SGPP2: variants seen among roughly 807,000 people sequenced by gnomAD.
The protein encoded by SGPP2 is sphingosine-1-phosphate phosphatase 2.
In SGPP2, 30 loss-of-function variants were observed where a neutral mutation model predicts 33.9. The ratio of observed to expected loss-of-function variants is 0.89; its 90% confidence interval spans 0.66 to 1.20. SGPP2 has a LOEUF of 1.20. Among genes scored for constraint, SGPP2 ranks in the 50% most tolerant of loss-of-function variants. SGPP2 has a pLI of 0.00. For synonymous variants in SGPP2, 233 were observed against 225.0 expected, an observed-to-expected ratio of 1.04 and a Z score of -0.32; for missense variants, 458 against 532.1, an observed-to-expected ratio of 0.86 and a Z score of 1.37.
At chr2:222,543,645 A>G (rs891377004) in intron 4 of SGPP2, among the ~76,000 whole-genome samples, 2 of 152,216 alleles carry the variant, frequency 1.3e-5, no homozygotes, top group Non-Finnish European at 2.9e-5. Context: ...ACAGTTGATC[A>G]TGGGTAACTG....
intron 3 of SGPP2, among the ~76,000 whole-genome samples, chr2:222,524,313 AT>A (rs1698726213): frequency 6.6e-6 from 1 of 152,194 alleles, no homozygotes; most frequent in Non-Finnish European, 1.5e-5. Flanking sequence ...AAGCAGGTGG[AT>A]TTATGCCTAT....
chr2:222,449,470 ATT>A (rs11390234), intron 1 of SGPP2, among the ~76,000 whole-genome samples: 3 of 141,172 alleles, frequency 2.1e-5, no homozygotes, highest in African/African-American at 2.6e-5. Context: ...AGGTCAGCCA[ATT>A]TTTTTTTTTT....
chr2:222,439,461 G>A (rs1371648927), intron 1 of SGPP2, among the ~76,000 whole-genome samples: 2 of 152,164 alleles, frequency 1.3e-5, no homozygotes, highest in Non-Finnish European at 2.9e-5. Context: ...GAACCTGGGA[G>A]GCAGAGGTTG....
rs1353589923 is a variant in SGPP2 at position 222,550,791 on chromosome 2, T to C, written c.649-7556T>C. ...CATTTTTGCTTGTTTCTGATGTTTCTGTAATGGAGCATGTGTTACTTTTTG... is the reference window on the plus strand; with the variant it reads ...CATTTTTGCTTGTTTCTGATGTTTCCGTAATGGAGCATGTGTTACTTTTTG... On this transcript the variant is annotated intron_variant, in intron 4 of 4. Transcript: ENST00000321276. This position sits in a 1 kb window ranked among gnomAD's most constrained non-coding sequence, Gnocchi z 4.5. Among the ~76,000 whole-genome samples, 1 of 152,050 alleles carries C rather than the reference T, an allele frequency of 6.6e-6. No individual in the cohort carries two copies. Among genetic ancestry groups the C allele is most frequent in the Non-Finnish European group, 1.5e-5 (1 of 68,038 alleles).
chr2:222,478,048 G>A (rs1697974721), intron 2 of SGPP2, among the ~76,000 whole-genome samples: 1 of 152,080 alleles, frequency 6.6e-6, no homozygotes, highest in Non-Finnish European at 1.5e-5. Flanking sequence ...TAGTTATTCT[G>A]TGTGGTCATT....
chr2:222,467,235 C>T (rs958476165), intron 1 of SGPP2, among the ~76,000 whole-genome samples: 3 of 152,152 alleles, frequency 2.0e-5, no homozygotes, highest in African/African-American at 7.2e-5. Flanking sequence ...AAAATCTGCT[C>T]ATTAACAAGA....
At chr2:222,507,492 A>G (rs1698462482) in intron 2 of SGPP2, among the ~76,000 whole-genome samples, 1 of 152,184 alleles carries the variant, frequency 6.6e-6, no homozygotes, top group Non-Finnish European at 1.5e-5. Flanking sequence ...AAAGGTTTTG[A>G]TCTTTTAATA....
chr2:222,521,939 G>C lies in SGPP2; in HGVS notation c.551G>C (p.Arg184Thr), dbSNP rs1192904798. Residue 184 changes from arginine to threonine, a missense_variant, in exon 3 of 5, where the codon AGA (arginine) becomes ACA (threonine). Physicochemically the swap from Arg to Thr is moderately conservative, Grantham distance 71. Transcript: ENST00000321276. Reference sequence around the variant, plus strand: ...ACCCTCCTTATCTCTACTATGGACAGATACCAGGTAAGGTGGCCTGGTTCT... The same window carrying C: ...ACCCTCCTTATCTCTACTATGGACACATACCAGGTAAGGTGGCCTGGTTCT... ...AFTLLISTMD[R>T]YQYPFVLGLV... The C allele has an allele frequency of 5.2e-6, 8 of 1,531,568 alleles. No individual in the cohort carries two copies. The highest frequency in any genetic ancestry group is 1.4e-5 in the African/African-American group (1 of 70,850). 94.9% of individuals were successfully genotyped at this position (1,531,568 alleles called of 1,614,324 possible).
intron 1 of SGPP2, 89 bp from the exon 2 acceptor site, chr2:222,474,479 G>A: frequency 8.4e-7 from 1 of 1,187,158 alleles, no homozygotes; most frequent in Non-Finnish European, 1.2e-6. Context: ...CAGCGTCTTG[G>A]CAATTGAGAC....
At chr2:222,436,469 A>G (rs769830029) in intron 1 of SGPP2, among the ~76,000 whole-genome samples, 2 of 152,112 alleles carry the variant, frequency 1.3e-5, no homozygotes, top group African/African-American at 4.8e-5. Context: ...CCTGTAAACT[A>G]TTGTCACCTA....
intron 2 of SGPP2, among the ~76,000 whole-genome samples, chr2:222,515,480 C>G (rs1248735359): frequency 2.0e-5 from 3 of 151,940 alleles, no homozygotes; most frequent in Non-Finnish European, 4.4e-5. Context: ...AGGCACCCAC[C>G]ACCACACCCA....
At chr2:222,438,166 G>A (rs1330610740) in intron 1 of SGPP2, among the ~76,000 whole-genome samples, 1 of 152,126 alleles carries the variant, frequency 6.6e-6, no homozygotes, top group Non-Finnish European at 1.5e-5. Context: ...GTTGTAGAAG[G>A]GGCCAAATGC....
intron 2 of SGPP2, among the ~76,000 whole-genome samples, chr2:222,510,354 G>A (rs1377679284): frequency 1.3e-5 from 2 of 152,206 alleles, no homozygotes; most frequent in East Asian, 1.9e-4. Context: ...GGATAGGTAC[G>A]TACTGGTAGA....
At chr2:222,512,443 G>A (rs1254121669) in intron 2 of SGPP2, among the ~76,000 whole-genome samples, 1 of 152,054 alleles carries the variant, frequency 6.6e-6, no homozygotes, top group East Asian at 1.9e-4. Flanking sequence ...CCGCCACAGT[G>A]ATACATTTGG....
intron 4 of SGPP2, among the ~76,000 whole-genome samples, chr2:222,527,791 G>A (rs1698780441): frequency 6.6e-6 from 1 of 152,192 alleles, no homozygotes; most frequent in Admixed American, 6.5e-5. Flanking sequence ...AGGGTGCAAT[G>A]ATGAGTAATT....
chr2:222,466,972 T>C (rs957772303), intron 1 of SGPP2, among the ~76,000 whole-genome samples: 1 of 152,194 alleles, frequency 6.6e-6, no homozygotes, highest in Non-Finnish European at 1.5e-5. Flanking sequence ...TGTTCACTGT[T>C]CCCCTCTGGT....
chr2:222,475,066 G>A (rs1210122631), intron 2 of SGPP2, among the ~76,000 whole-genome samples: 4 of 152,088 alleles, frequency 2.6e-5, no homozygotes, highest in East Asian at 1.9e-4. Flanking sequence ...AACAGGGAGA[G>A]GACCAGTTTT....
At chr2:222,507,838 A>G (rs1049256761) in intron 2 of SGPP2, among the ~76,000 whole-genome samples, 3 of 152,186 alleles carry the variant, frequency 2.0e-5, no homozygotes, top group African/African-American at 7.2e-5. Flanking sequence ...ATTTAACAGT[A>G]TATCTCATAA....
At chr2:222,499,652 G>A (rs1315180965) in intron 2 of SGPP2, among the ~76,000 whole-genome samples, 1 of 152,100 alleles carries the variant, frequency 6.6e-6, no homozygotes, top group Non-Finnish European at 1.5e-5. Flanking sequence ...GGGCATTGGG[G>A]GAAAGACAGT....
Sources: allele counts gnomAD v4.1 joint callset (sites outside exome capture counted in the v4.1 genomes callset), GRCh38; gene constraint gnomAD v4.1.1; non-coding constraint Gnocchi (gnomAD v3.1); transcripts MANE v1.5; gene names NCBI Gene and HGNC (gene_info 2026-07-23, HGNC 2026-07-21).